The following RNF14 variants were observed in gnomAD, a reference collection of about 807,000 sequenced individuals.
RNF14 encodes ring finger protein 14, also known as E3 ubiquitin-protein ligase RNF14.
A neutral mutation model predicts 52.6 loss-of-function variants in RNF14; 26 were observed. That is an observed-to-expected ratio of 0.49 (90% CI 0.36 to 0.69). The LOEUF (loss-of-function observed/expected upper bound fraction) is 0.69. RNF14 is among the 30% of genes least tolerant of loss of function. The probability of loss-of-function intolerance (pLI) is 0.00; values close to 1 mark genes in which losing one functional copy is unlikely to be tolerated. For missense variants in RNF14, 404 were observed against 560.4 expected (o/e 0.72, Z 2.82); for synonymous variants, 194 against 202.0 (o/e 0.96, Z 0.34).
chr5:141,956,930 G>A (rs370283860), upstream of RNF14: 100 of 1,614,014 alleles, frequency 6.2e-5, no homozygotes, highest in Non-Finnish European at 7.6e-5. Context: ...TCTAGAGGTC[G>A]ACGCAGAATG....
At chr5:141,964,039 C>G (rs1223695184), upstream of RNF14, among the ~76,000 whole-genome samples, 1 of 152,184 alleles carries the variant, frequency 6.6e-6, no homozygotes, top group African/African-American at 2.4e-5. Flanking sequence ...TAATAAAATG[C>G]CAGGTTGCGA....
chr5:141,962,318 G>C (rs1302422808), upstream of RNF14, among the ~76,000 whole-genome samples: 1 of 152,190 alleles, frequency 6.6e-6, no homozygotes, highest in African/African-American at 2.4e-5. Context: ...TTTATGTCTT[G>C]GTTAACAGCG....
rs1437041013 is a variant in RNF14 at position 141,980,144 on chromosome 5, G to C, written c.856G>C (p.Glu286Gln). The C allele has an allele frequency of 6.2e-7, 1 of 1,614,188 alleles. No individual in the cohort carries two copies. Among genetic ancestry groups the C allele is most frequent in the Non-Finnish European group, 8.5e-7 (1 of 1,180,006 alleles). The change falls in exon 6 of 9, where the codon GAG (glutamate) becomes CAG (glutamine). Residue 286 changes from glutamate (E) to glutamine (Q), a missense_variant. Glu to Gln is a conservative substitution (Grantham distance 29, BLOSUM62 2). Coordinates refer to ENST00000394520, the MANE Select transcript of RNF14 (RefSeq NM_004290.5). ...PGQVKELVEA[E>Q]LFARYDRLLL... ...CCAGGTCAAAGAGTTAGTGGAAGCA[G>C]AGTTATTTGCCCGTTATGACCGCCT...
At chr5:141,951,429 C>T in the RNF14 span, 20 of 1,201,784 alleles carry the variant, frequency 1.7e-5, no homozygotes, top group Non-Finnish European at 2.5e-5. Context: ...CTCACAGAGG[C>T]TGCAGTGATG....
rs1314571724 is a variant in RNF14, at chr5:141,988,585, TTCTC to T, written c.*801_*804del. 3 of 152,334 alleles carry T rather than the reference TTCTC, an allele frequency of 2.0e-5. No homozygotes were observed. The highest frequency in any genetic ancestry group is 4.4e-5 in the Non-Finnish European group (3 of 68,048). The allele number at this position is 152,334 out of a possible 1,614,324, so 9.4% of individuals were successfully genotyped here. On this transcript the variant is annotated 3_prime_UTR_variant, in exon 9 of 9. Transcript: ENST00000394520. ...TTGTCTTTGCTACTTTTGTTCCACA[TTCTC>T]TCTCTTTACCTTTGCCCTACCTTCT...
At chr5:141,969,287 G>A (rs1753514519) in intron 1 of RNF14, 120 bp downstream of exon 1, 1 of 152,562 alleles carries the variant, frequency 6.6e-6, no homozygotes, top group Non-Finnish European at 1.5e-5. Flanking sequence ...GGACCGGGCT[G>A]GGACTGTACA....
At chr5:141,956,250 C>G, upstream of RNF14, 2 of 1,614,226 alleles carry the variant, frequency 1.2e-6, no homozygotes, top group East Asian at 2.2e-5. Flanking sequence ...CTGCGATCAC[C>G]TGGAACTCAA....
At chr5:141,960,627 C>T (rs947303057) in intron 1 of RNF14, among the ~76,000 whole-genome samples, 1 of 152,158 alleles carries the variant, frequency 6.6e-6, no homozygotes, top group Non-Finnish European at 1.5e-5. Context: ...AAAAGCTCTA[C>T]GCAGGATAAT....
At position 141,988,329 on chromosome 5, in the gene RNF14, C is replaced by G. The variant is rs1468677066; in HGVS notation, c.*539C>G. On this transcript the variant is annotated 3_prime_UTR_variant, in exon 9 of 9. Transcript: ENST00000394520. ...AGTTCTCTTTGGAGGAAGCCCATTA[C>G]TCCGTAACTGACTGGATGGTCCAGT... 1 of 152,814 alleles carries G rather than the reference C, an allele frequency of 6.5e-6. No individual in the cohort carries two copies. Among genetic ancestry groups the G allele is most frequent in the Non-Finnish European group, 1.5e-5 (1 of 68,420 alleles). The allele number at this position is 152,814 out of a possible 1,614,324, so 9.5% of individuals were successfully genotyped here.
intron 6 of RNF14, among the ~76,000 whole-genome samples, chr5:141,981,217 G>A (rs745335042): frequency 6.6e-6 from 1 of 152,184 alleles, no homozygotes; most frequent in Non-Finnish European, 1.5e-5. Context: ...TTACACTGGT[G>A]TATAATATAT....
In RNF14 at chr5:141,987,900, G is replaced by C; in HGVS notation, c.*110G>C. The C allele has an allele frequency of 3.1e-6, 3 of 975,986 alleles. No homozygotes were observed. Among genetic ancestry groups the C allele is most frequent in the East Asian group, 2.4e-5 (1 of 41,516 alleles). 60.5% of individuals were successfully genotyped at this position (975,986 alleles called of 1,614,324 possible). ...GGTACTATTCATTCACTCTTCCTGC[G>C]TAGAAGATATGGAAGAACGAGGTTT... is the stretch of plus-strand genomic sequence containing the variant. On this transcript the variant is annotated 3_prime_UTR_variant, in exon 9 of 9. Coordinates refer to ENST00000394520, the MANE Select transcript of RNF14 (RefSeq NM_004290.5).
chr5:141,954,327 C>T (rs1023170151), upstream of RNF14, among the ~76,000 whole-genome samples: 14 of 152,136 alleles, frequency 9.2e-5, no homozygotes, highest in African/African-American at 3.4e-4. Context: ...CCTATGCTGG[C>T]CTTCTTCATA....
upstream of RNF14, among the ~76,000 whole-genome samples, chr5:141,954,200 A>G (rs73276027): frequency 0.035 from 5,270 of 152,244 alleles, 320 homozygotes; most frequent in African/African-American, 0.12. Context: ...CTGAACTCCA[A>G]TCTGCCTAAC....
chr5:141,975,935 A>G (rs1432906643), intron 4 of RNF14, among the ~76,000 whole-genome samples: 7 of 151,922 alleles, frequency 4.6e-5, no homozygotes, highest in Admixed American at 3.9e-4. Context: ...AAAAAAAAAA[A>G]AAAAAGAAAA....
At chr5:141,978,234 G>C in intron 4 of RNF14, 69 bp from the exon 5 acceptor site, 1 of 1,399,138 alleles carries the variant, frequency 7.1e-7, no homozygotes, top group Non-Finnish European at 9.7e-7. Flanking sequence ...AAGATTTCTA[G>C]GGAAACCAGG....
At chr5:141,956,653 A>C (rs768618483), upstream of RNF14, 1 of 1,614,218 alleles carries the variant, frequency 6.2e-7, no homozygotes, top group East Asian at 2.2e-5. Context: ...TTTCAGCCTG[A>C]AGTGGCCCAG....
upstream of RNF14, among the ~76,000 whole-genome samples, chr5:141,953,750 G>T: frequency 6.6e-6 from 1 of 152,216 alleles, no homozygotes; most frequent in African/African-American, 2.4e-5. Flanking sequence ...GGTTGGCTCT[G>T]GCAGCCTCTG....
chr5:141,984,101 CTTT>C (rs201857998), intron 7 of RNF14, among the ~76,000 whole-genome samples: 2 of 136,628 alleles, frequency 1.5e-5, no homozygotes, highest in Admixed American at 7.4e-5. Flanking sequence ...TATGTAATCA[CTTT>C]TTTTTTTTTT....
chr5:141,987,457 G>C (rs1390577671), intron 8 of RNF14, among the ~76,000 whole-genome samples: 1 of 152,142 alleles, frequency 6.6e-6, no homozygotes, highest in East Asian at 1.9e-4. Flanking sequence ...CTATGGCCAA[G>C]GGACTTAAGG....
Sources: gnomAD v4.1 joint callset for allele counts (sites outside exome capture counted in the v4.1 genomes callset) on GRCh38, gnomAD v4.1.1 for gene constraint, MANE v1.5 for transcripts, NCBI Gene and HGNC (gene_info 2026-07-23, HGNC 2026-07-21) for gene names.